Variants in PLCB1 observed in about 807,000 individuals in gnomAD.
The protein encoded by PLCB1 is 1-phosphatidylinositol 4,5-bisphosphate phosphodiesterase beta-1.
PLCB1 carries 46 observed loss-of-function variants against 161.8 expected under a neutral mutation model. The observed-to-expected ratio is 0.28, with a 90% CI of 0.22 to 0.36. The LOEUF is 0.36. PLCB1 is among the 10% of genes least tolerant of loss of function. PLCB1 has a pLI of 1.00. For synonymous variants in PLCB1, 517 were observed against 503.7 expected, an observed-to-expected ratio of 1.03 and a Z score of -0.35; for missense variants, 1,016 against 1,472.5, an observed-to-expected ratio of 0.69 and a Z score of 5.07.
chr20:8,402,865 T>A (rs962856587), intron 3 of PLCB1, among the ~76,000 whole-genome samples: 13 of 152,008 alleles, frequency 8.6e-5, no homozygotes, highest in African/African-American at 2.4e-4. Flanking sequence ...AAAAAAAATT[T>A]AAAAAAAGTT....
At chr20:8,417,073 ATTTTTTTTTTTTTTTTTTT>A (rs3031852) in intron 3 of PLCB1, among the ~76,000 whole-genome samples, 1 of 39,884 alleles carries the variant, frequency 2.5e-5, no homozygotes, top group Admixed American at 5.1e-4. Flanking sequence ...ATATATATAT[ATTTTTTTTTTTTTTTTTTT>A]TTTTTTTTTT....
chr20:8,387,725 A>G (rs2136278), intron 3 of PLCB1, among the ~76,000 whole-genome samples: 33,854 of 152,036 alleles, frequency 0.22, 4,023 homozygotes, highest in South Asian at 0.42. Context: ...AGTGCAATAA[A>G]ATGAGGTGTG....
rs1174973173 is a variant in PLCB1, at chr20:8,523,465, G to GCTCTCTCT, written c.247-104804_247-104797dup. On this transcript the variant is annotated intron_variant, in intron 3 of 31. Transcript: ENST00000338037. ...ACGACAACAAATATATATATATTTG[G>GCTCTCTCT]CTCTCTCTCTCTCTCTCTCTCTCTC... Among the ~76,000 whole-genome samples the GCTCTCTCT allele has an allele frequency of 6.4e-3, 310 of 48,744 alleles. 6 individuals carry two copies. The highest frequency in any genetic ancestry group is 0.01 in the South Asian group (15 of 1,478). 32.0% of individuals were successfully genotyped at this position (48,744 alleles called of 152,430 possible).
Position 8,399,080 on chromosome 20 carries a change from C to CT in PLCB1, c.246+27632dup, listed in dbSNP as rs557796242. On this transcript the variant is annotated intron_variant, in intron 3 of 31. Transcript: ENST00000338037. The stretch of plus-strand genomic sequence containing the variant: ...GTTTATAAAGAAAATTCACCTATAG[C>CT]TTCTTTTTTTTTTTCTAGTATGACT... 4.0e-3 allele frequency among the ~76,000 whole-genome samples: 574 copies of CT among 142,578 alleles called. 5 individuals carry two copies. Among genetic ancestry groups the CT allele is most frequent in the African/African-American group, 0.014 (523 of 38,120 alleles). 93.5% of individuals were successfully genotyped at this position (142,578 alleles called of 152,430 possible). A position where few individuals can be genotyped will look rare whatever the true frequency, so the allele number is the denominator to read the frequency against.
At chr20:8,600,217 C>T (rs1468337720) in intron 3 of PLCB1, among the ~76,000 whole-genome samples, 1 of 131,030 alleles carries the variant, frequency 7.6e-6, no homozygotes, top group Non-Finnish European at 1.6e-5. Context: ...TGTTTTTTCC[C>T]CATCTTTGTG....
chr20:8,627,740 G>C (rs1988398454), intron 3 of PLCB1, among the ~76,000 whole-genome samples: 1 of 152,192 alleles, frequency 6.6e-6, no homozygotes. Context: ...CCAAATCCCA[G>C]TACATTCCGA....
chr20:8,535,550 T>C (rs1177928105), intron 3 of PLCB1, among the ~76,000 whole-genome samples: 1 of 152,080 alleles, frequency 6.6e-6, no homozygotes, highest in Non-Finnish European at 1.5e-5. Flanking sequence ...GTAACCAGGA[T>C]AGAGGATTGA....
chr20:8,280,470 G>C (rs979279697), intron 2 of PLCB1, among the ~76,000 whole-genome samples: 1 of 152,052 alleles, frequency 6.6e-6, no homozygotes, highest in East Asian at 1.9e-4. Context: ...TAACTGTAAG[G>C]CTTATGTCAT....
intron 1 of PLCB1, among the ~76,000 whole-genome samples, chr20:8,139,090 T>TG (rs1157741356): frequency 6.2e-5 from 8 of 128,020 alleles, no homozygotes; most frequent in African/African-American, 2.8e-4. Flanking sequence ...GGTTTTTTTT[T>TG]TTTTTTTTTT....
intron 2 of PLCB1, among the ~76,000 whole-genome samples, chr20:8,332,701 C>T (rs1600321760): frequency 6.6e-6 from 1 of 152,190 alleles, no homozygotes; most frequent in South Asian, 2.1e-4. Flanking sequence ...GCTACATTGT[C>T]CCTCTCTTTG....
intron 2 of PLCB1, among the ~76,000 whole-genome samples, chr20:8,367,911 A>G (rs1986768382): frequency 6.7e-6 from 1 of 149,480 alleles, no homozygotes; most frequent in Non-Finnish European, 1.5e-5. Flanking sequence ...GAAGTGGGAG[A>G]CACTATTTGA....
At chr20:8,854,648 A>G (rs982404056) in intron 31 of PLCB1, among the ~76,000 whole-genome samples, 2 of 152,216 alleles carry the variant, frequency 1.3e-5, no homozygotes, top group African/African-American at 2.4e-5. Flanking sequence ...TTGGCTGACA[A>G]TCGTTTTCTT....
rs139580714 is a variant in PLCB1, at chr20:8,655,709, C to CA, written c.595-1474dup. 5.2e-3 allele frequency among the ~76,000 whole-genome samples: 786 copies of CA among 152,108 alleles called. 6 individuals are homozygous for CA. The highest frequency in any genetic ancestry group is 0.018 in the African/African-American group (752 of 41,530). ...CTTTTTAGTAGGGAAAATAGGAGAACACCCTTGGGGTTCATAAAATCCAGT... is the reference window on the plus strand; with the variant it reads ...CTTTTTAGTAGGGAAAATAGGAGAACAACCCTTGGGGTTCATAAAATCCAGT... On this transcript the variant is annotated intron_variant, in intron 7 of 31. Transcript: ENST00000338037.
chr20:8,262,498 G>A (rs1169321217), intron 2 of PLCB1, among the ~76,000 whole-genome samples: 1 of 152,122 alleles, frequency 6.6e-6, no homozygotes, highest in Non-Finnish European at 1.5e-5. Flanking sequence ...AATGAAGAAA[G>A]AGAAACAGGG....
intron 3 of PLCB1, among the ~76,000 whole-genome samples, chr20:8,456,234 A>G (rs764683096): frequency 2.6e-5 from 4 of 152,206 alleles, no homozygotes; most frequent in African/African-American, 4.8e-5. Context: ...TTGTCCTTAC[A>G]TAGTGTCTTG....
chr20:8,856,216 A>AT (rs1342456182), intron 31 of PLCB1, among the ~76,000 whole-genome samples: 1 of 152,082 alleles, frequency 6.6e-6, no homozygotes. Context: ...ATAACACTTT[A>AT]TTTTTTTATC....
At chr20:8,379,882 G>A (rs1023933433) in intron 3 of PLCB1, among the ~76,000 whole-genome samples, 5 of 152,090 alleles carry the variant, frequency 3.3e-5, no homozygotes, top group Admixed American at 1.3e-4. Context: ...CAGATCGGTT[G>A]ATTGCAAACA....
At chr20:8,611,715 C>A (rs1465287579) in intron 3 of PLCB1, among the ~76,000 whole-genome samples, 1 of 152,136 alleles carries the variant, frequency 6.6e-6, no homozygotes, top group Non-Finnish European at 1.5e-5. Flanking sequence ...ACTCTTCAAT[C>A]AATTCTCTTA....
intron 27 of PLCB1, among the ~76,000 whole-genome samples, chr20:8,780,265 A>C (rs1456689810): frequency 6.6e-6 from 1 of 152,122 alleles, no homozygotes; most frequent in East Asian, 1.9e-4. Context: ...CATTCTACTA[A>C]ACACCCACAG....
Sources: gnomAD v4.1 joint callset for allele counts (sites outside exome capture counted in the v4.1 genomes callset) on GRCh38, gnomAD v4.1.1 for gene constraint, MANE v1.5 for transcripts, NCBI Gene and HGNC (gene_info 2026-07-23, HGNC 2026-07-21) for gene names.